The following PLCG2 variants were observed in gnomAD, a reference collection of about 807,000 sequenced individuals.
PLCG2 encodes the protein phospholipase C gamma 2.
In PLCG2, 69 loss-of-function variants were observed where a neutral mutation model predicts 175.6. That is an observed-to-expected ratio of 0.39 (90% CI 0.32 to 0.48). The LOEUF (loss-of-function observed/expected upper bound fraction) is 0.48, where lower values mean the gene tolerates loss of function less well. PLCG2 is among the 20% of genes least tolerant of loss of function. The pLI is 0.91. For missense variants in PLCG2, 1,798 were observed against 1,650.9 expected (o/e 1.09, Z -1.54); for synonymous variants, 827 against 624.0 (o/e 1.33, Z -4.85).
chr16:81,918,683 C>A (rs981868482), intron 19 of PLCG2, among the ~76,000 whole-genome samples: 2 of 152,102 alleles, frequency 1.3e-5, no homozygotes, highest in Non-Finnish European at 2.9e-5. Context: ...AGATAGTGTG[C>A]TATCTGCAGC....
chr16:81,873,890 C>T (rs1597366714), intron 7 of PLCG2, among the ~76,000 whole-genome samples: 1 of 152,176 alleles, frequency 6.6e-6, no homozygotes, highest in African/African-American at 2.4e-5. Flanking sequence ...GGTATTTCAA[C>T]CTGTACTTTA....
At chr16:81,814,136 A>G (rs1183566947) in intron 2 of PLCG2, among the ~76,000 whole-genome samples, 1 of 152,184 alleles carries the variant, frequency 6.6e-6, no homozygotes, top group African/African-American at 2.4e-5. Context: ...TCTGTGTGTT[A>G]GTGCCAAACT....
In PLCG2 at chr16:81,895,724, G is replaced by C. The variant is rs753600222; in HGVS notation, c.1073-83G>C. 1.0e-4 allele frequency: 155 copies of C among 1,507,562 alleles called. 1 individual carries two copies. The highest frequency in any genetic ancestry group is 1.1e-4 in the Non-Finnish European group (125 of 1,090,234). 93.4% of individuals were successfully genotyped at this position (1,507,562 alleles called of 1,614,324 possible). A position where few individuals can be genotyped will look rare whatever the true frequency, so the allele number is the denominator to read the frequency against. On this transcript the variant is annotated intron_variant, in intron 12 of 32. Transcript: ENST00000564138. ...GTGTGGGTGTCCTTGTCTAGTAACT[G>C]AACTGGTGTGTGGGCCGGGGGCTGA...
intron 9 of PLCG2, among the ~76,000 whole-genome samples, chr16:81,887,841 A>G (rs1180040727): frequency 1.3e-5 from 2 of 152,224 alleles, no homozygotes; most frequent in Non-Finnish European, 2.9e-5. Context: ...CATGGAGAGG[A>G]AAGCAACAGT....
intron 30 of PLCG2, among the ~76,000 whole-genome samples, chr16:81,944,862 G>A (rs192129071): frequency 9.8e-4 from 149 of 152,248 alleles, no homozygotes; most frequent in African/African-American, 3.4e-3. Context: ...TAGATATCAA[G>A]GGCCAACTGT....
chr16:81,860,713 A>G (rs925107791), intron 5 of PLCG2, among the ~76,000 whole-genome samples: 4 of 152,154 alleles, frequency 2.6e-5, no homozygotes, highest in African/African-American at 9.7e-5. Context: ...GTGTACACCT[A>G]TATTCCCAGC....
chr16:81,943,137 C>G (rs758165058), intron 30 of PLCG2, among the ~76,000 whole-genome samples: 6 of 152,010 alleles, frequency 3.9e-5, no homozygotes, highest in African/African-American at 1.4e-4. Context: ...TGCCATGGAG[C>G]AAACAGTCAT....
rs1328572930 is a variant in PLCG2 at position 81,854,597 on chromosome 16, T to A, written c.337+10T>A. On this transcript the variant is annotated intron_variant, in intron 3 of 32. Transcript: ENST00000564138. ...ACGCTCAGCTTGGCAGGTAGGTGCATGTTTCTGTGCCTTTCTCCTTCCCTG... is the reference window on the plus strand; with the variant it reads ...ACGCTCAGCTTGGCAGGTAGGTGCAAGTTTCTGTGCCTTTCTCCTTCCCTG... 6.2e-7 allele frequency: 1 copy of A among 1,612,234 alleles called. No homozygotes were observed. The highest frequency in any genetic ancestry group is 2.2e-5 in the East Asian group (1 of 44,786).
At chr16:81,874,638 C>G (rs541763771) in intron 7 of PLCG2, among the ~76,000 whole-genome samples, 2 of 152,194 alleles carry the variant, frequency 1.3e-5, no homozygotes, top group Non-Finnish European at 2.9e-5. Flanking sequence ...GGAGACAGAG[C>G]TATTTATGGT....
At chr16:81,953,870 G>C (rs1172558970) in intron 31 of PLCG2, among the ~76,000 whole-genome samples, 1 of 152,178 alleles carries the variant, frequency 6.6e-6, no homozygotes, top group Non-Finnish European at 1.5e-5. Context: ...TGCAGTTATA[G>C]AAGCATTCAT....
intron 5 of PLCG2, among the ~76,000 whole-genome samples, chr16:81,863,121 A>G (rs901016595): frequency 2.0e-5 from 3 of 152,170 alleles, no homozygotes; most frequent in East Asian, 1.9e-4. Flanking sequence ...TCATGTTGTC[A>G]TGCTCCCGTC....
chr16:81,950,605 G>C (rs1025218603), intron 31 of PLCG2, among the ~76,000 whole-genome samples: 2 of 152,112 alleles, frequency 1.3e-5, no homozygotes, highest in Non-Finnish European at 2.9e-5. Flanking sequence ...TCATAAATTT[G>C]ATTGCATTCG....
At chr16:81,875,363 A>G (rs150257809) in intron 7 of PLCG2, among the ~76,000 whole-genome samples, 2 of 152,306 alleles carry the variant, frequency 1.3e-5, no homozygotes, top group African/African-American at 4.8e-5. Context: ...TGAGGTCCAG[A>G]GAGGTTACTT....
At chr16:81,908,928 C>A (rs1453180315) in intron 17 of PLCG2, among the ~76,000 whole-genome samples, 2 of 152,198 alleles carry the variant, frequency 1.3e-5, no homozygotes, top group East Asian at 1.9e-4. Flanking sequence ...CGATCCCAGC[C>A]CTGGAGTGGG....
At chr16:81,742,607 G>T (rs1209499406) in intron 1 of PLCG2, among the ~76,000 whole-genome samples, 1 of 152,232 alleles carries the variant, frequency 6.6e-6, no homozygotes, top group Non-Finnish European at 1.5e-5. Context: ...AGTATGTGCT[G>T]GGAACTGGGG....
At chr16:81,951,005 T>G (rs564394201) in intron 31 of PLCG2, among the ~76,000 whole-genome samples, 47 of 152,344 alleles carry the variant, frequency 3.1e-4, no homozygotes, top group African/African-American at 1.1e-3. Context: ...AATTTTGTTT[T>G]GAGACAGTGT....
intron 2 of PLCG2, among the ~76,000 whole-genome samples, chr16:81,817,555 C>G (rs917531156): frequency 6.6e-6 from 1 of 152,236 alleles, no homozygotes; most frequent in African/African-American, 2.4e-5. Flanking sequence ...AGTGATAAAA[C>G]AAGAGCCCTC....
intron 2 of PLCG2, among the ~76,000 whole-genome samples, chr16:81,761,998 C>G (rs1910051556): frequency 6.6e-6 from 1 of 151,628 alleles, no homozygotes; most frequent in Admixed American, 6.6e-5. Context: ...CGCCCAGCTA[C>G]TTTTTGTATT....
intron 2 of PLCG2, among the ~76,000 whole-genome samples, chr16:81,799,523 C>G (rs1218294621): frequency 6.6e-6 from 1 of 152,010 alleles, no homozygotes; most frequent in East Asian, 1.9e-4. Context: ...CTCCTGGCCT[C>G]AAGAGATCCT....
Sources: allele counts gnomAD v4.1 joint callset (sites outside exome capture counted in the v4.1 genomes callset), GRCh38; gene constraint gnomAD v4.1.1; transcripts MANE v1.5; gene names NCBI Gene and HGNC (gene_info 2026-07-23, HGNC 2026-07-21).